Variants in SLC12A6 observed in about 807,000 individuals in gnomAD.
SLC12A6 encodes K-Cl cotransporter 3.
In SLC12A6, 66 loss-of-function variants were observed where a neutral mutation model predicts 135.3. The ratio of observed to expected loss-of-function variants is 0.49; its 90% CI spans 0.40 to 0.60. The LOEUF is 0.60. Among genes scored for constraint, SLC12A6 ranks in the 20% least tolerant of loss-of-function variants. The probability of loss-of-function intolerance (pLI) is 0.00; values close to 1 mark genes in which losing one functional copy is unlikely to be tolerated. For missense variants in SLC12A6, 1,058 were observed against 1,452.3 expected (o/e 0.73, Z 4.41); for synonymous variants, 513 against 508.8 (o/e 1.01, Z -0.11).
intron 3 of SLC12A6, among the ~76,000 whole-genome samples, chr15:34,265,340 C>T (rs1040625560): frequency 2.0e-5 from 3 of 150,988 alleles, no homozygotes; most frequent in African/African-American, 7.3e-5. Flanking sequence ...AAGACCCTGC[C>T]TTTACTGTGC....
intron 2 of SLC12A6, chr15:34,299,569 A>G (rs923285923): frequency 6.6e-6 from 1 of 152,196 alleles, no homozygotes; most frequent in African/African-American, 2.4e-5. Flanking sequence ...TGTACATTAC[A>G]TTACATTTCC....
At chr15:34,304,977 G>A (rs1287694362) in intron 2 of SLC12A6, among the ~76,000 whole-genome samples, 1 of 152,108 alleles carries the variant, frequency 6.6e-6, no homozygotes, top group African/African-American at 2.4e-5. Context: ...TTTTTGTATA[G>A]TTGTAACATG....
In SLC12A6 at chr15:34,236,082, A is replaced by C; in HGVS notation, c.3160T>G (p.Tyr1054Asp). The C allele has an allele frequency of 6.2e-7, 1 of 1,614,004 alleles. No individual in the cohort carries two copies. The change falls in exon 24 of 26, where the codon TAC becomes GAC. Residue 1054 changes from tyrosine (Y) to aspartate (D), a missense_variant. This residue lies in a region of SLC12A6 where 245 missense variants were observed against 440.8 expected (regional missense o/e 0.56). Transcript: ENST00000354181. ...GCTTTTTGTCCCCGGGATGCCATGT[A>C]CTTGTCTTTTGTCCAAGTCATGTGC... ...KVHMTWTKDKYMASRGQKAKS... is the reference protein window; with the variant it reads ...KVHMTWTKDKDMASRGQKAKS...
At chr15:34,292,362 C>T (rs915227406) in intron 2 of SLC12A6, among the ~76,000 whole-genome samples, 4 of 152,178 alleles carry the variant, frequency 2.6e-5, no homozygotes, top group Non-Finnish European at 5.9e-5. Flanking sequence ...CCTCTGGAAG[C>T]TTCGTCTCAG....
At chr15:34,324,810 A>C (rs1889358166) in intron 2 of SLC12A6, among the ~76,000 whole-genome samples, 1 of 152,184 alleles carries the variant, frequency 6.6e-6, no homozygotes, top group Non-Finnish European at 1.5e-5. Context: ...GATGTGAACC[A>C]CTGTTTTAGA....
chr15:34,318,963 T>G (rs1467087684), intron 2 of SLC12A6: 1 of 272,694 alleles, frequency 3.7e-6, no homozygotes, highest in South Asian at 1.4e-4. Context: ...CAGTTTAGCC[T>G]GCTTCCCAAA....
chr15:34,283,819 G>T (rs1246142594), intron 2 of SLC12A6, among the ~76,000 whole-genome samples: 1 of 152,036 alleles, frequency 6.6e-6, no homozygotes. Flanking sequence ...TGCAATCAGG[G>T]CTTACTACAG....
intron 2 of SLC12A6, among the ~76,000 whole-genome samples, chr15:34,326,692 CTTT>C (rs10550362): frequency 0.28 from 37,286 of 135,246 alleles, 6,952 homozygotes; most frequent in African/African-American, 0.55. Context: ...CATTTTATTA[CTTT>C]TTTTTTTTTT....
chr15:34,237,346 A>T (rs1163565858), intron 22 of SLC12A6, 73 bp downstream of exon 22: 3 of 1,446,000 alleles, frequency 2.1e-6, no homozygotes, highest in African/African-American at 2.8e-5. Context: ...TTCCCAAACC[A>T]GAAAAGATTC....
rs2705344 is a variant in SLC12A6 at position 34,254,233 on chromosome 15, T to C, written c.1118+115A>G. 968,199 of 1,127,632 alleles carry C rather than the reference T, an allele frequency of 0.86. 418,493 individuals carry two copies. Among genetic ancestry groups the C allele is most frequent in the East Asian group, 1 (42,644 of 42,698 alleles). 69.9% of individuals were successfully genotyped at this position (1,127,632 alleles called of 1,614,324 possible). A position where few individuals can be genotyped will look rare whatever the true frequency, so the allele number is the denominator to read the frequency against. ...GGAAGGAAGTCTAACTGGGCTTATC[T>C]GAGAGGGAAAATCTCAGAGAGACTC... On this transcript the variant is annotated intron_variant, in intron 9 of 25. Transcript: ENST00000354181.
At chr15:34,320,846 T>C (rs1031601103) in intron 2 of SLC12A6, among the ~76,000 whole-genome samples, 2 of 151,514 alleles carry the variant, frequency 1.3e-5, no homozygotes, top group African/African-American at 4.9e-5. Context: ...AAGGTGGAGC[T>C]TGCAGTGAGC....
rs1335989882 is a variant in SLC12A6 at position 34,299,917 on chromosome 15, G to T, written c.272-24528C>A. Among the ~76,000 whole-genome samples the T allele has an allele frequency of 2.0e-5, 3 of 152,164 alleles. No individual in the cohort carries two copies. In the East Asian group the frequency reaches 5.8e-4, roughly 29 times the overall value. On this transcript the variant is annotated intron_variant, in intron 2 of 25. Transcript: ENST00000354181. ...GAGAAAAATTCCTCTGGTAATTACT[G>T]TAATGGATGGCTTTAGGAGGTTAGA...
chr15:34,321,716 G>A (rs550935788), intron 2 of SLC12A6, among the ~76,000 whole-genome samples: 3 of 152,116 alleles, frequency 2.0e-5, no homozygotes, highest in Non-Finnish European at 4.4e-5. Context: ...AACATCTTAG[G>A]TATACATTCA....
intron 2 of SLC12A6, among the ~76,000 whole-genome samples, chr15:34,310,300 AGTGT>A (rs58503652): frequency 0.19 from 8,171 of 43,546 alleles, 844 homozygotes; most frequent in African/African-American, 0.37. Flanking sequence ...CCTGGGCTCA[AGTGT>A]GTGTGTGTGT....
At chr15:34,235,403 A>C in intron 24 of SLC12A6, 89 bp from the exon 25 acceptor site, 1 of 1,030,072 alleles carries the variant, frequency 9.7e-7, no homozygotes. Context: ...GAGCTTTTTC[A>C]CTTGACTATG....
At chr15:34,254,897 T>C (rs569474144) in intron 8 of SLC12A6, among the ~76,000 whole-genome samples, 5 of 152,354 alleles carry the variant, frequency 3.3e-5, no homozygotes, top group African/African-American at 1.2e-4. Context: ...TCTTTAACCC[T>C]GACTCTACTA....
chr15:34,257,590 C>T, intron 6 of SLC12A6, 52 bp downstream of exon 6: 2 of 1,486,082 alleles, frequency 1.3e-6, no homozygotes, highest in South Asian at 1.1e-5. Context: ...TGCATCTGCT[C>T]TTGAGAACTT....
intron 2 of SLC12A6, among the ~76,000 whole-genome samples, chr15:34,310,174 A>AGT (rs60783164): frequency 0.14 from 17,575 of 127,626 alleles, 1,403 homozygotes; most frequent in South Asian, 0.2. Flanking sequence ...ACGCCCAGCT[A>AGT]GTGTGTGTGT....
Position 34,281,885 on chromosome 15 carries a change from ATTCT to A in SLC12A6, c.272-6500_272-6497del, listed in dbSNP as rs1201852121. 2.6e-5 allele frequency among the ~76,000 whole-genome samples: 4 copies of A among 152,274 alleles called. No homozygotes were observed. The East Asian group carries it at 5.8e-4, about 22-fold the overall frequency. On this transcript the variant is annotated intron_variant, in intron 2 of 25. Transcript: ENST00000354181. ...GTAAACCAGTGCATACAAAAAGTTA[ATTCT>A]TTATGTTTCTACACTACCTCATAAA...
Sources: gnomAD v4.1 joint callset for allele counts (sites outside exome capture counted in the v4.1 genomes callset) on GRCh38, gnomAD v4.1.1 for gene constraint, gnomAD v4.1.1 regional missense constraint, MANE v1.5 for transcripts, NCBI Gene and HGNC (gene_info 2026-07-23, HGNC 2026-07-21) for gene names.